The following OR56A1 variants were observed in gnomAD, a reference collection of about 807,000 sequenced individuals.
The protein encoded by OR56A1 is olfactory receptor 56A1.
For synonymous variants in OR56A1, 174 were observed against 159.1 expected (o/e 1.09, Z -0.70); for missense variants, 360 against 380.9 (o/e 0.94, Z 0.46).
At chr11:6,032,020 C>T (rs891149356), upstream of OR56A1, among the ~76,000 whole-genome samples, 10 of 152,012 alleles carry the variant, frequency 6.6e-5, no homozygotes, top group Non-Finnish European at 1.3e-4. Context: ...ACTTGTTAGT[C>T]AAGTAGAAGT....
At chr11:6,030,332 A>T (rs997817038) in intron 1 of OR56A1, among the ~76,000 whole-genome samples, 2 of 152,170 alleles carry the variant, frequency 1.3e-5, no homozygotes, top group African/African-American at 4.8e-5. Flanking sequence ...TATAAAAAGG[A>T]AATTTTTTAC....
rs148930447 is a variant in OR56A1 at position 6,028,808 on chromosome 11, A to G, written c.-34-1082T>C. On this transcript the variant is annotated intron_variant, in intron 1 of 1. Coordinates refer to ENST00000641900, the MANE Select transcript of OR56A1 (RefSeq NM_001388488.1). ...AGGTATCTACCTAAAAGAAAAGAAAACGATATATCAAAAAGATAATTGTAC... is the reference window on the plus strand; with the variant it reads ...AGGTATCTACCTAAAAGAAAAGAAAGCGATATATCAAAAAGATAATTGTAC... 5.0e-3 allele frequency among the ~76,000 whole-genome samples: 764 copies of G among 152,288 alleles called. 8 individuals carry two copies. Among genetic ancestry groups the G allele is most frequent in the African/African-American group, 0.018 (736 of 41,576 alleles).
chr11:6,019,458 G>C lies in OR56A1; in HGVS notation c.*7290C>G, dbSNP rs961582461. On this transcript the variant is annotated 3_prime_UTR_variant, in exon 2 of 2. Transcript: ENST00000641900. ...ATCTGAAACTGGGCAATTTACAAAA[G>C]AAATAGGTTTAATTGGACTTACAGT... is the stretch of plus-strand genomic sequence containing the variant. 16 of 152,222 alleles carry C rather than the reference G, an allele frequency of 1.1e-4. No individual in the cohort carries two copies. Among genetic ancestry groups the C allele is most frequent in the African/African-American group, 3.9e-4 (16 of 41,428 alleles). 9.4% of individuals were successfully genotyped at this position (152,222 alleles called of 1,614,324 possible).
rs933982083 is a variant in OR56A1, at chr11:6,024,889, C to T, written c.*1859G>A. ...GGCTCTGGCTTGAGACAATGAGAGC[C>T]AAGCCTGAAGGTACTAAGAGCCCCT... is the stretch of plus-strand genomic sequence containing the variant. On this transcript the variant is annotated 3_prime_UTR_variant, in exon 2 of 2. Transcript: ENST00000641900. 2 of 152,102 alleles carry T rather than the reference C, an allele frequency of 1.3e-5. No individual in the cohort carries two copies. The highest frequency in any genetic ancestry group is 4.8e-5 in the African/African-American group (2 of 41,420). The allele number at this position is 152,102 out of a possible 1,614,324, so 9.4% of individuals were successfully genotyped here.
chr11:6,027,465 G>A lies in OR56A1; in HGVS notation c.228C>T (p.Leu76=). The A allele has an allele frequency of 1.2e-6, 2 of 1,614,220 alleles. No individual in the cohort carries two copies. The highest frequency in any genetic ancestry group is 1.7e-6 in the Non-Finnish European group (2 of 1,180,050). Residue 76 remains leucine, a synonymous_variant, in exon 2 of 2, where the codon CTC becomes CTT. Transcript: ENST00000641900. ...LSLLSLLDIV[L]CLTVIPKVLA... is the part of the protein sequence containing the mutation. ...GGACCTTGGGGATGACGGTGAGGCA[G>A]AGCACGATGTCCAGCAGGGAGAGGA... is the stretch of plus-strand genomic sequence containing the variant.
chr11:6,026,990 C>T lies in OR56A1; in HGVS notation c.703G>A (p.Gly235Arg). ...GTGCTCAGGGCCTTCACTGCCGCCC[C>T]CTCTGCTTTGAATCTAAGCACAGCT... ...LRAVLRFKAE[G>R]AAVKALSTCG... The change falls in exon 2 of 2, where the codon GGG (glycine) becomes AGG (arginine). Residue 235 changes from glycine (G) to arginine (R), a missense_variant. By Grantham distance (125) the Gly-to-Arg change is moderately radical. Coordinates refer to ENST00000641900, the MANE Select transcript of OR56A1 (RefSeq NM_001388488.1). 6.2e-7 allele frequency: 1 copy of T among 1,614,004 alleles called. No homozygotes were observed. The highest frequency in any genetic ancestry group is 8.5e-7 in the Non-Finnish European group (1 of 1,179,890).
chr11:6,033,332 T>C (rs973217455), upstream of OR56A1, among the ~76,000 whole-genome samples: 1 of 151,496 alleles, frequency 6.6e-6, no homozygotes, highest in Admixed American at 6.6e-5. Flanking sequence ...TATATAAACA[T>C]AAGTCAATAA....
upstream of OR56A1, among the ~76,000 whole-genome samples, chr11:6,032,701 C>T (rs894209074): frequency 6.6e-6 from 1 of 152,090 alleles, no homozygotes; most frequent in African/African-American, 2.4e-5. Flanking sequence ...CATGATGGAA[C>T]TCAGGGATCT....
intron 1 of OR56A1, 152 bp from the exon 2 acceptor site, chr11:6,027,878 C>A: frequency 1.8e-6 from 1 of 556,528 alleles, no homozygotes; most frequent in Non-Finnish European, 3.2e-6. Context: ...AATTGTGAGA[C>A]TTGATAAATA....
rs1363925715 is a variant in OR56A1, at chr11:6,026,932, A to C, written c.761T>G (p.Phe254Cys). 1.2e-6 allele frequency: 2 copies of C among 1,614,084 alleles called. No homozygotes were observed. The highest frequency in any genetic ancestry group is 1.7e-6 in the Non-Finnish European group (2 of 1,180,038). Reference sequence around the variant, plus strand: ...CACCACAACCAGCAGTATGGTGCTGAAGAAAAGAATGAGGATGAAGTGGGA... The same window carrying C: ...CACCACAACCAGCAGTATGGTGCTGCAGAAAAGAATGAGGATGAAGTGGGA... ...CGSHFILILF[F>C]STILLVVVLT... The change falls in exon 2 of 2, where the codon TTC becomes TGC. Residue 254 changes from phenylalanine to cysteine, a missense_variant. Physicochemically the swap from Phe to Cys is radical, Grantham distance 205. Transcript: ENST00000641900.
rs1445668296 is a variant in OR56A1, at chr11:6,027,197, T to C, written c.496A>G (p.Thr166Ala). ...ALLTAPIPILTSLLHYCGENV... is the reference protein window; with the variant it reads ...ALLTAPIPILASLLHYCGENV... The stretch of plus-strand genomic sequence containing the variant: ...TCCCCACAGTAATGGAGCAGGGAAG[T>C]GAGGATAGGAATGGGTGCAGTAAGA... Residue 166 changes from threonine (T) to alanine (A), a missense_variant, in exon 2 of 2, where the codon ACT becomes GCT. Physicochemically the swap from Thr to Ala is moderately conservative, Grantham distance 58 (BLOSUM62 0). Coordinates refer to ENST00000641900, the MANE Select transcript of OR56A1 (RefSeq NM_001388488.1). The C allele has an allele frequency of 6.2e-7, 1 of 1,613,964 alleles. No homozygotes were observed. Among genetic ancestry groups the C allele is most frequent in the African/African-American group, 1.3e-5 (1 of 74,870 alleles).
Position 6,026,597 on chromosome 11 carries a change from G to A in OR56A1, c.*151C>T. 1.7e-6 allele frequency: 1 copy of A among 582,732 alleles called. No homozygotes were observed. The highest frequency in any genetic ancestry group is 2.5e-5 in the South Asian group (1 of 40,146). 36.1% of individuals were successfully genotyped at this position (582,732 alleles called of 1,614,324 possible). On this transcript the variant is annotated 3_prime_UTR_variant, in exon 2 of 2. Coordinates refer to ENST00000641900, the MANE Select transcript of OR56A1 (RefSeq NM_001388488.1). Reference sequence around the variant, plus strand: ...CCTTGCCTACCTCCACCTGAACTAGGCAAGGAAAGTAAAGGAAGGAATCTG... The same window carrying A: ...CCTTGCCTACCTCCACCTGAACTAGACAAGGAAAGTAAAGGAAGGAATCTG...
chr11:6,028,000 C>T (rs768157025), intron 1 of OR56A1, among the ~76,000 whole-genome samples: 24 of 151,136 alleles, frequency 1.6e-4, no homozygotes, highest in African/African-American at 2.9e-4. Context: ...ATTACAAACA[C>T]GCAACAAATT....
At chr11:6,031,649 T>C (rs1050402986), upstream of OR56A1, among the ~76,000 whole-genome samples, 3 of 152,148 alleles carry the variant, frequency 2.0e-5, no homozygotes, top group African/African-American at 2.4e-5. Flanking sequence ...AGTAAATAAG[T>C]TGCATCACCA....
Position 6,022,532 on chromosome 11 carries a change from G to T in OR56A1, c.*4216C>A, listed in dbSNP as rs1848407736. 1 of 152,066 alleles carries T rather than the reference G, an allele frequency of 6.6e-6. No homozygotes were observed. Among genetic ancestry groups the T allele is most frequent in the Non-Finnish European group, 1.5e-5 (1 of 67,982 alleles). The allele number at this position is 152,066 out of a possible 1,614,324, so 9.4% of individuals were successfully genotyped here. A position where few individuals can be genotyped will look rare whatever the true frequency, so the allele number is the denominator to read the frequency against. ...CTTTGATATCTATAATCTGGAGTAT[G>T]AAAAACTTAGGAAACTACAAAGCTA... is the stretch of plus-strand genomic sequence containing the variant. On this transcript the variant is annotated 3_prime_UTR_variant, in exon 2 of 2. Coordinates refer to ENST00000641900, the MANE Select transcript of OR56A1 (RefSeq NM_001388488.1).
At position 6,023,910 on chromosome 11, in the gene OR56A1, C is replaced by G. The variant is rs1276956505; in HGVS notation, c.*2838G>C. 1.3e-5 allele frequency: 2 copies of G among 152,118 alleles called. No individual in the cohort carries two copies. Among genetic ancestry groups the G allele is most frequent in the African/African-American group, 4.8e-5 (2 of 41,412 alleles). The allele number at this position is 152,118 out of a possible 1,614,324, so 9.4% of individuals were successfully genotyped here. On this transcript the variant is annotated 3_prime_UTR_variant, in exon 2 of 2. Transcript: ENST00000641900. ...GGTCTGATTCTTTGGTTATCTTGCTCCTTTATCATCTGTATGAGGATTTAC... is the reference window on the plus strand; with the variant it reads ...GGTCTGATTCTTTGGTTATCTTGCTGCTTTATCATCTGTATGAGGATTTAC...
rs139101039 is a variant in OR56A1 at position 6,026,852 on chromosome 11, C to T, written c.841G>A (p.Val281Ile). ...VPMDILILLN[V>I]LHHLIPPALN... is the part of the protein sequence containing the mutation. ...GCAGGAGGAATAAGGTGATGAAGGA[C>T]GTTCAGCAGGATCAGGATGTCCATG... Residue 281 changes from valine to isoleucine, a missense_variant, in exon 2 of 2, where the codon GTC (valine) becomes ATC (isoleucine). Val to Ile is a conservative substitution (Grantham distance 29). Transcript: ENST00000641900. The T allele has an allele frequency of 1.4e-5, 22 of 1,614,006 alleles. No homozygotes were observed. Among genetic ancestry groups the T allele is most frequent in the East Asian group, 4.5e-5 (2 of 44,904 alleles).
intron 1 of OR56A1, among the ~76,000 whole-genome samples, chr11:6,028,888 G>C (rs1848483849): frequency 6.6e-6 from 1 of 151,890 alleles, no homozygotes; most frequent in Non-Finnish European, 1.5e-5. Context: ...ATCAACCCAA[G>C]AGTTCAACAA....
chr11:6,023,228 G>C lies in OR56A1; in HGVS notation c.*3520C>G, dbSNP rs1446214282. 6.6e-6 allele frequency: 1 copy of C among 152,130 alleles called. No individual in the cohort carries two copies. Among genetic ancestry groups the C allele is most frequent in the Non-Finnish European group, 1.5e-5 (1 of 68,032 alleles). 9.4% of individuals were successfully genotyped at this position (152,130 alleles called of 1,614,324 possible). On this transcript the variant is annotated 3_prime_UTR_variant, in exon 2 of 2. Transcript: ENST00000641900. ...CTTAACTTCAGACGTTGCTGTTTAA[G>C]TTCTACAGTTGCAGTCTTGATGCTA...
Sources: allele counts gnomAD v4.1 joint callset (sites outside exome capture counted in the v4.1 genomes callset), GRCh38; gene constraint gnomAD v4.1.1; transcripts MANE v1.5; gene names NCBI Gene and HGNC (gene_info 2026-07-23, HGNC 2026-07-21).